UNC5A: variants seen among roughly 807,000 people sequenced by gnomAD.
UNC5A encodes netrin receptor UNC5A.
In UNC5A, 20 loss-of-function variants were observed where a neutral mutation model predicts 87.4. That is an observed-to-expected ratio of 0.23 (90% CI 0.16 to 0.33). The LOEUF is 0.33. Ranked by LOEUF, UNC5A falls within the 10% of genes least tolerant of loss-of-function variation. The pLI is 1.00. For synonymous variants in UNC5A, 438 were observed against 482.3 expected (o/e 0.91, Z 1.20); for missense variants, 844 against 1,133.4 (o/e 0.74, Z 3.67).
Position 176,868,176 on chromosome 5 carries a change from C to T in UNC5A, c.339C>T (p.Val113=), listed in dbSNP as rs145214251. The part of the protein sequence containing the change: ...EVRINVSRQQ[V]EKVFGLEEYW... Reference sequence around the variant, plus strand: ...GCATTAATGTCTCAAGGCAGCAGGTCGAGAAGGTGTTCGGGCTGGAGGAAT... The same window carrying T: ...GCATTAATGTCTCAAGGCAGCAGGTTGAGAAGGTGTTCGGGCTGGAGGAAT... The change falls in exon 3 of 15, where the codon GTC becomes GTT. Residue 113 remains valine (V), a synonymous_variant. Transcript: ENST00000329542. 20 of 1,613,504 alleles carry T rather than the reference C, an allele frequency of 1.2e-5. No homozygotes were observed. The highest frequency in any genetic ancestry group is 1.6e-4 in the Middle Eastern group (1 of 6,080).
At chr5:176,812,050 G>A (rs919211883) in intron 1 of UNC5A, among the ~76,000 whole-genome samples, 1 of 151,960 alleles carries the variant, frequency 6.6e-6, no homozygotes, top group Non-Finnish European at 1.5e-5. Context: ...TGCCTCCTCA[G>A]TACCCCTCTC....
chr5:176,857,113 G>A lies in UNC5A; in HGVS notation c.71-5511G>A, dbSNP rs140030452. 2.4e-3 allele frequency among the ~76,000 whole-genome samples: 362 copies of A among 152,256 alleles called. 2 individuals are homozygous for A. Among genetic ancestry groups the A allele is most frequent in the African/African-American group, 7.8e-3 (325 of 41,554 alleles). On this transcript the variant is annotated intron_variant, in intron 1 of 14. Transcript: ENST00000329542. ...CGCTCCCTCGAGAGCCCTCTCACCC[G>A]CCCCTTTCTGAAAGTCTGCCCCTTC...
chr5:176,837,796 C>T (rs1561648080), intron 1 of UNC5A, among the ~76,000 whole-genome samples: 1 of 151,470 alleles, frequency 6.6e-6, no homozygotes, highest in African/African-American at 2.4e-5. Flanking sequence ...CAGCCCCAGG[C>T]GCTCCACAGA....
At chr5:176,858,908 G>A (rs1410613559) in intron 1 of UNC5A, among the ~76,000 whole-genome samples, 2 of 152,240 alleles carry the variant, frequency 1.3e-5, no homozygotes, top group South Asian at 2.1e-4. Flanking sequence ...AGCCCTGACC[G>A]GGACACCGAG....
At position 176,868,122 on chromosome 5, in the gene UNC5A, G is replaced by A. The variant is rs201652528; in HGVS notation, c.293-8G>A. 143 of 1,609,034 alleles carry A rather than the reference G, an allele frequency of 8.9e-5. 1 individual carries two copies. The highest frequency in any genetic ancestry group is 7.8e-4 in the East Asian group (35 of 44,644). On this transcript the variant is annotated splice_polypyrimidine_tract_variant and splice_region_variant and intron_variant, in intron 2 of 14. Transcript: ENST00000329542. Reference sequence around the variant, plus strand: ...GGGGCTCTGACTACCTGCCCCTCCCGCCCCCAGGGCTGCCCACCATGGAGG... The same window carrying A: ...GGGGCTCTGACTACCTGCCCCTCCCACCCCCAGGGCTGCCCACCATGGAGG...
intron 2 of UNC5A, among the ~76,000 whole-genome samples, chr5:176,863,523 C>G (rs557108887): frequency 6.6e-6 from 1 of 152,116 alleles, no homozygotes; most frequent in South Asian, 2.1e-4. Flanking sequence ...GCTGGGGGCA[C>G]AGAGAGAGAG....
rs958074341 is a variant in UNC5A at position 176,874,500 on chromosome 5, G to T, written c.1312G>T (p.Gly438Cys). ...GAACTACTTCCGCTCCCTGCCCCGA[G>T]GCACCAGCAACATGACCTATGGGAC... is the stretch of plus-strand genomic sequence containing the variant. ...TQNYFRSLPRGTSNMTYGTFN... is the reference protein window; with the variant it reads ...TQNYFRSLPRCTSNMTYGTFN... The change falls in exon 8 of 15, where the codon GGC (glycine) becomes TGC (cysteine). Residue 438 changes from glycine (G) to cysteine (C), a missense_variant. Gly to Cys is a radical substitution (Grantham distance 159). Transcript: ENST00000329542. This position sits in a 1 kb window ranked among gnomAD's most constrained non-coding sequence, Gnocchi z 7.6. 1 of 1,609,584 alleles carries T rather than the reference G, an allele frequency of 6.2e-7. No homozygotes were observed. The highest frequency in any genetic ancestry group is 8.5e-7 in the Non-Finnish European group (1 of 1,177,464).
chr5:176,860,197 A>G (rs62402768), intron 1 of UNC5A, among the ~76,000 whole-genome samples: 1,851 of 152,296 alleles, frequency 0.012, 8 homozygotes, highest in Non-Finnish European at 0.022. Flanking sequence ...GTGGGCCGGG[A>G]ACCTGCCACT....
chr5:176,858,857 G>T (rs576866614), intron 1 of UNC5A, among the ~76,000 whole-genome samples: 1 of 152,084 alleles, frequency 6.6e-6, no homozygotes, highest in Admixed American at 6.6e-5. Context: ...GCTGTGCAGT[G>T]GGGGAGGCGA....
At chr5:176,818,225 G>A in intron 1 of UNC5A, among the ~76,000 whole-genome samples, 1 of 152,222 alleles carries the variant, frequency 6.6e-6, no homozygotes, top group East Asian at 1.9e-4. Context: ...AAAGGGAGGG[G>A]AACGTCCCCA....
Position 176,865,998 on chromosome 5 carries a change from T to G in UNC5A, c.293-2132T>G, listed in dbSNP as rs375743982. Among the ~76,000 whole-genome samples, 1 of 152,168 alleles carries G rather than the reference T, an allele frequency of 6.6e-6. No homozygotes were observed. The highest frequency in any genetic ancestry group is 1.5e-5 in the Non-Finnish European group (1 of 68,034). On this transcript the variant is annotated intron_variant, in intron 2 of 14. Coordinates refer to ENST00000329542, the MANE Select transcript of UNC5A (RefSeq NM_133369.3). This position sits in a 1 kb window ranked among gnomAD's most constrained non-coding sequence, Gnocchi z 5.3. ...TTAAACAAACTGATTGGTTATTAGA[T>G]TGTTTAGAAGCAGATTGCTGAGAAG...
intron 13 of UNC5A, 72 bp downstream of exon 13, chr5:176,878,711 T>TCCTGCCCTG (rs917467263): frequency 1.8e-5 from 28 of 1,534,152 alleles, no homozygotes; most frequent in African/African-American, 2.7e-5. Context: ...CCCAAAACGC[T>TCCTGCCCTG]CCTGCCCTGC....
chr5:176,821,169 C>A (rs1483091625), intron 1 of UNC5A, among the ~76,000 whole-genome samples: 17 of 152,198 alleles, frequency 1.1e-4, no homozygotes, highest in Admixed American at 1.1e-3. Context: ...GTTTCTCTGG[C>A]ATTGCCCACA....
chr5:176,852,791 G>A (rs1757578044), intron 1 of UNC5A, among the ~76,000 whole-genome samples: 1 of 152,212 alleles, frequency 6.6e-6, no homozygotes, highest in Admixed American at 6.5e-5. Flanking sequence ...ACTAAGTGTG[G>A]GAAGGCCCAA....
In UNC5A at chr5:176,877,998, G is replaced by T. The variant is rs758843640; in HGVS notation, c.1740G>T (p.Leu580=). 5.0e-6 allele frequency: 8 copies of T among 1,606,644 alleles called. No homozygotes were observed. In the South Asian group the frequency reaches 7.7e-5, roughly 15 times the overall value. ...CCGAGCAGCTGGGCCGCTTTGCCCT[G>T]GTGGGAGAGGCCCTCAGCGTGGCTG... ...VFTEQLGRFA[L]VGEALSVAAA... The change falls in exon 11 of 15, where the codon CTG becomes CTT. Residue 580 remains leucine, a synonymous_variant. Coordinates refer to ENST00000329542, the MANE Select transcript of UNC5A (RefSeq NM_133369.3).
intron 1 of UNC5A, among the ~76,000 whole-genome samples, chr5:176,843,196 A>AAAG (rs1757321750): frequency 6.6e-6 from 1 of 151,274 alleles, no homozygotes; most frequent in Admixed American, 6.6e-5. Flanking sequence ...AAGAAAGAAA[A>AAAG]AAAGAAAAGA....
chr5:176,877,330 T>C, intron 9 of UNC5A, 51 bp downstream of exon 9: 1 of 1,522,650 alleles, frequency 6.6e-7, no homozygotes, highest in Non-Finnish European at 9.0e-7. Flanking sequence ...GCCTGCTGCC[T>C]TCGGTCCCCA....
At chr5:176,876,829 G>C (rs1251108919) in intron 8 of UNC5A, among the ~76,000 whole-genome samples, 1 of 152,208 alleles carries the variant, frequency 6.6e-6, no homozygotes, top group Non-Finnish European at 1.5e-5. Context: ...GCCAGGCCAG[G>C]GAGCTGGACT....
chr5:176,835,504 C>T (rs1238959538), intron 1 of UNC5A, among the ~76,000 whole-genome samples: 3 of 152,220 alleles, frequency 2.0e-5, no homozygotes, highest in South Asian at 2.1e-4. Context: ...CCAGAGCCTC[C>T]GACTCATCGC....
Sources: gnomAD v4.1 joint callset for allele counts (sites outside exome capture counted in the v4.1 genomes callset) on GRCh38, gnomAD v4.1.1 for gene constraint, Gnocchi (gnomAD v3.1) non-coding constraint, MANE v1.5 for transcripts, NCBI Gene and HGNC (gene_info 2026-07-23, HGNC 2026-07-21) for gene names.